The following ADAMTS2 variants were observed in gnomAD, a reference collection of about 807,000 sequenced individuals.
ADAMTS2 encodes A disintegrin and metalloproteinase with thrombospondin motifs 2.
Under a neutral mutation model 123.0 loss-of-function variants are expected in ADAMTS2, and 50 were observed. The ratio of observed to expected loss-of-function variants is 0.41; its 90% CI spans 0.32 to 0.51. The LOEUF is 0.51. Ranked by LOEUF, ADAMTS2 falls within the 20% of genes least tolerant of loss-of-function variation. The pLI, the probability that ADAMTS2 is intolerant of heterozygous loss-of-function variation, is 0.35. For synonymous variants in ADAMTS2, 678 were observed against 695.4 expected (o/e 0.98, Z 0.39); for missense variants, 1,494 against 1,705.2 (o/e 0.88, Z 2.18).
chr5:179,127,807 C>T lies in ADAMTS2; in HGVS notation c.2617+152G>A, dbSNP rs141293393. ...CCCCTTCCTGCCCACCCACCGGCCC[C>T]TCCATTGCCGCTAAGCCCTTGCCCA... On this transcript the variant is annotated intron_variant, in intron 17 of 21. Transcript: ENST00000251582. 0.014 allele frequency: 13,988 copies of T among 1,010,228 alleles called. 139 individuals carry two copies. The highest frequency in any genetic ancestry group is 0.025 in the Middle Eastern group (81 of 3,188). The allele number at this position is 1,010,228 out of a possible 1,614,324, so 62.6% of individuals were successfully genotyped here.
intron 5 of ADAMTS2, among the ~76,000 whole-genome samples, chr5:179,168,336 G>A (rs182518978): frequency 6.6e-6 from 1 of 152,308 alleles, no homozygotes; most frequent in East Asian, 1.9e-4. Flanking sequence ...AGGACAAGGA[G>A]CCTGAAGCTG....
chr5:179,196,113 G>A (rs1764425950), intron 4 of ADAMTS2, among the ~76,000 whole-genome samples: 2 of 152,228 alleles, frequency 1.3e-5, no homozygotes, highest in African/African-American at 4.8e-5. Context: ...GAAAGTTGGT[G>A]AGAAATTGAG....
At chr5:179,153,256 A>G (rs1443006364) in intron 9 of ADAMTS2, among the ~76,000 whole-genome samples, 1 of 151,900 alleles carries the variant, frequency 6.6e-6, no homozygotes, top group Non-Finnish European at 1.5e-5. Context: ...CACCCTGGTC[A>G]CAGTCCTGTC....
intron 2 of ADAMTS2, among the ~76,000 whole-genome samples, chr5:179,275,788 C>T (rs1182169309): frequency 6.6e-6 from 1 of 152,228 alleles, no homozygotes; most frequent in Non-Finnish European, 1.5e-5. Flanking sequence ...CGTCCGGCCT[C>T]AGAACTGTGA....
intron 2 of ADAMTS2, among the ~76,000 whole-genome samples, chr5:179,340,857 G>A (rs574257831): frequency 3.9e-5 from 6 of 152,308 alleles, no homozygotes; most frequent in South Asian, 2.1e-4. Flanking sequence ...TAAAAACCAC[G>A]TGAAATTAGC....
Position 179,115,735 on chromosome 5 carries a change from G to T in ADAMTS2, c.3179-1411C>A, listed in dbSNP as rs1041406492. 1.3e-5 allele frequency among the ~76,000 whole-genome samples: 2 copies of T among 152,148 alleles called. No individual in the cohort carries two copies. The highest frequency in any genetic ancestry group is 2.9e-5 in the Non-Finnish European group (2 of 68,020). ...GGGAGGGAGAAAGGCTCAGGCATTG[G>T]ATGGGAGCCACATCTGACAGTTATC... On this transcript the variant is annotated intron_variant, in intron 21 of 21. Transcript: ENST00000251582. This position sits in a 1 kb window ranked among gnomAD's most constrained non-coding sequence, Gnocchi z 4.4.
In ADAMTS2 at chr5:179,114,137, G is replaced by A. The variant is rs752223388; in HGVS notation, c.3366C>T (p.Thr1122=). 1 of 1,613,936 alleles carries A rather than the reference G, an allele frequency of 6.2e-7. No individual in the cohort carries two copies. Among genetic ancestry groups the A allele is most frequent in the African/African-American group, 1.3e-5 (1 of 75,002 alleles). The part of the protein sequence containing the change: ...KHNDIDVFMP[T]LPVPTVAMEV... ...CCATGGCTACAGTGGGCACTGGGAG[G>A]GTAGGCATGAACACGTCAATGTCGT... The change falls in exon 22 of 22, where the codon ACC becomes ACT. Residue 1122 remains threonine, a synonymous_variant. Transcript: ENST00000251582.
At chr5:179,190,943 G>C (rs533113910) in intron 4 of ADAMTS2, among the ~76,000 whole-genome samples, 1 of 152,268 alleles carries the variant, frequency 6.6e-6, no homozygotes, top group African/African-American at 2.4e-5. Flanking sequence ...GCACGTCCGC[G>C]AGTGTGACCC....
Position 179,158,600 on chromosome 5 carries a change from G to T in ADAMTS2, c.1132+123C>A. 2 of 1,331,466 alleles carry T rather than the reference G, an allele frequency of 1.5e-6. No homozygotes were observed. Among genetic ancestry groups the T allele is most frequent in the Non-Finnish European group, 2.1e-6 (2 of 939,726 alleles). 82.5% of individuals were successfully genotyped at this position (1,331,466 alleles called of 1,614,324 possible). ...CCCACACCCTCACCCAGCTAAGGTG[G>T]CCACGGCCTTCCCTGCCCTGACACT... On this transcript the variant is annotated intron_variant, in intron 6 of 21. Coordinates refer to ENST00000251582, the MANE Select transcript of ADAMTS2 (RefSeq NM_014244.5). This position sits in a 1 kb window ranked among gnomAD's most constrained non-coding sequence, Gnocchi z 5.0.
At chr5:179,236,004 G>T (rs467017) in intron 3 of ADAMTS2, among the ~76,000 whole-genome samples, 88,657 of 152,104 alleles carry the variant, frequency 0.58, 27,197 homozygotes, top group Non-Finnish European at 0.62. Context: ...CAGATGAGAA[G>T]CTCCCTCCCA....
At chr5:179,222,610 G>C (rs989850433) in intron 3 of ADAMTS2, among the ~76,000 whole-genome samples, 3 of 152,240 alleles carry the variant, frequency 2.0e-5, no homozygotes, top group Non-Finnish European at 4.4e-5. Context: ...ACTTTAAAAG[G>C]CTGGGGTTTC....
intron 3 of ADAMTS2, among the ~76,000 whole-genome samples, chr5:179,240,611 G>C (rs1437860812): frequency 6.6e-6 from 1 of 152,216 alleles, no homozygotes; most frequent in Admixed American, 6.5e-5. Context: ...GCCAAATCCA[G>C]TGGGGAGTCC....
At chr5:179,341,702 G>A (rs1317491914) in intron 2 of ADAMTS2, among the ~76,000 whole-genome samples, 2 of 139,000 alleles carry the variant, frequency 1.4e-5, no homozygotes, top group Non-Finnish European at 3.1e-5. Flanking sequence ...GTAATAGAGT[G>A]AGACTCCGTC....
intron 4 of ADAMTS2, among the ~76,000 whole-genome samples, chr5:179,203,514 A>G (rs1561803139): frequency 6.6e-6 from 1 of 152,228 alleles, no homozygotes; most frequent in Admixed American, 6.5e-5. Context: ...TTAGAGGGCC[A>G]CTTGGGGTTG....
rs550771521 is a variant in ADAMTS2, at chr5:179,308,997, C to T, written c.534+34770G>A. Among the ~76,000 whole-genome samples the T allele has an allele frequency of 5.9e-5, 9 of 152,338 alleles. No homozygotes were observed. The highest frequency in any genetic ancestry group is 1.4e-4 in the African/African-American group (6 of 41,586). ...AAGATACGAAGAGGGCTGAGGCGGG[C>T]GTTCCTGCCCTTGGGTCTCTTCCGC... is the stretch of plus-strand genomic sequence containing the variant. On this transcript the variant is annotated intron_variant, in intron 2 of 21. Coordinates refer to ENST00000251582, the MANE Select transcript of ADAMTS2 (RefSeq NM_014244.5). This position sits in a 1 kb window ranked among gnomAD's most constrained non-coding sequence, Gnocchi z 6.6.
rs1581189033 is a variant in ADAMTS2 at position 179,206,138 on chromosome 5, G to A, written c.891+1375C>T. On this transcript the variant is annotated intron_variant, in intron 4 of 21. Transcript: ENST00000251582. ...GTGACAACGCTCTCCCAAATAAAAC[G>A]AATTCTGCCGATGCAGCGGACTTCG... 6.6e-5 allele frequency among the ~76,000 whole-genome samples: 10 copies of A among 152,308 alleles called. No homozygotes were observed. The South Asian group carries it at 1.2e-3, about 19-fold the overall frequency.
At chr5:179,157,444 T>C (rs939882750) in intron 6 of ADAMTS2, among the ~76,000 whole-genome samples, 15 of 152,146 alleles carry the variant, frequency 9.9e-5, no homozygotes, top group Non-Finnish European at 1.3e-4. Context: ...CACCCAGACA[T>C]GGTAGTTTCA....
intron 2 of ADAMTS2, among the ~76,000 whole-genome samples, chr5:179,329,150 A>G (rs893937997): frequency 4.0e-4 from 61 of 152,176 alleles, no homozygotes; most frequent in East Asian, 1.9e-3. Context: ...ACACGGTGAA[A>G]CCCCGTCTCT....
At chr5:179,173,259 C>T (rs1763863352) in intron 5 of ADAMTS2, among the ~76,000 whole-genome samples, 1 of 147,070 alleles carries the variant, frequency 6.8e-6, no homozygotes, top group Admixed American at 6.7e-5. Flanking sequence ...AAACCATGCT[C>T]ATCATATTGA....
Sources: allele counts gnomAD v4.1 joint callset (sites outside exome capture counted in the v4.1 genomes callset), GRCh38; gene constraint gnomAD v4.1.1; non-coding constraint Gnocchi (gnomAD v3.1); transcripts MANE v1.5; gene names NCBI Gene and HGNC (gene_info 2026-07-23, HGNC 2026-07-21).